The following MMP16 variants were observed in gnomAD, a reference collection of about 807,000 sequenced individuals.
MMP16 encodes matrix metalloproteinase-16.
In MMP16, 12 loss-of-function variants were observed where a neutral mutation model predicts 67.8. That is an observed-to-expected ratio of 0.18 (90% CI 0.11 to 0.29). The LOEUF (loss-of-function observed/expected upper bound fraction) is 0.29, where lower values mean the gene tolerates loss of function less well. Among genes scored for constraint, MMP16 ranks in the 10% least tolerant of loss-of-function variants. The pLI is 1.00. For synonymous variants in MMP16, 249 were observed against 255.9 expected (o/e 0.97, Z 0.26); for missense variants, 475 against 765.7 (o/e 0.62, Z 4.48).
chr8:88,087,417 G>T (rs1334913568), intron 6 of MMP16, among the ~76,000 whole-genome samples: 1 of 151,800 alleles, frequency 6.6e-6, no homozygotes, highest in African/African-American at 2.4e-5. Context: ...CTTAGTTCTC[G>T]TAATAGTGGC....
At chr8:88,308,979 C>CAA (rs71277998) in intron 1 of MMP16, among the ~76,000 whole-genome samples, 7 of 149,270 alleles carry the variant, frequency 4.7e-5, no homozygotes, top group Admixed American at 1.3e-4. Flanking sequence ...TTTACACTTG[C>CAA]AAAAAAAAAT....
At chr8:88,222,332 T>C (rs1048772608) in intron 1 of MMP16, among the ~76,000 whole-genome samples, 5 of 152,082 alleles carry the variant, frequency 3.3e-5, no homozygotes, top group South Asian at 2.1e-4. Context: ...CTTTACAGAA[T>C]TGGAAAAAAC....
At position 88,197,226 on chromosome 8, in the gene MMP16, A is replaced by G; in HGVS notation, c.213T>C (p.Ser71=). ...SVLRSAETMQ[S]ALAAMQQFYG... ...AGAACTGCTGCATGGCAGCTAGGGC[A>G]GACTGCATGGTCTCTGCAGAGCGCA... The change falls in exon 2 of 10, where the codon TCT becomes TCC. Residue 71 remains serine, a synonymous_variant. Coordinates refer to ENST00000286614, the MANE Select transcript of MMP16 (RefSeq NM_005941.5). 1 of 1,612,412 alleles carries G rather than the reference A, an allele frequency of 6.2e-7. No individual in the cohort carries two copies. The highest frequency in any genetic ancestry group is 1.1e-5 in the South Asian group (1 of 90,806).
chr8:88,063,872 C>A (rs1295733356), intron 7 of MMP16, among the ~76,000 whole-genome samples: 1 of 152,064 alleles, frequency 6.6e-6, no homozygotes, highest in East Asian at 1.9e-4. Flanking sequence ...GAGTGTTTAT[C>A]AATTAACCCA....
chr8:88,277,794 A>G (rs950003352), intron 1 of MMP16, among the ~76,000 whole-genome samples: 3 of 152,196 alleles, frequency 2.0e-5, no homozygotes, highest in African/African-American at 2.4e-5. Flanking sequence ...CTTTTCATCT[A>G]TAAGATTAGC....
chr8:88,136,377 T>C (rs1464130017), intron 4 of MMP16, among the ~76,000 whole-genome samples: 1 of 151,822 alleles, frequency 6.6e-6, no homozygotes, highest in African/African-American at 2.4e-5. Context: ...TTAAAAACTT[T>C]AATTTTCATT....
chr8:88,252,823 TC>T (rs1810247211), intron 1 of MMP16, among the ~76,000 whole-genome samples: 1 of 152,054 alleles, frequency 6.6e-6, no homozygotes, highest in Non-Finnish European at 1.5e-5. Context: ...ATTAGCCAGA[TC>T]AAAGCACTAA....
At chr8:88,319,306 T>C (rs1026800227) in intron 1 of MMP16, among the ~76,000 whole-genome samples, 1 of 152,168 alleles carries the variant, frequency 6.6e-6, no homozygotes, top group African/African-American at 2.4e-5. Flanking sequence ...TTTGTTTCTC[T>C]AAGCTATTTG....
At chr8:88,077,735 C>T (rs989581238) in intron 6 of MMP16, among the ~76,000 whole-genome samples, 2 of 152,124 alleles carry the variant, frequency 1.3e-5, no homozygotes, top group African/African-American at 4.8e-5. Flanking sequence ...TTTAAAATTA[C>T]ATCTCAGTTT....
chr8:88,223,532 G>C (rs2129852897), intron 1 of MMP16, among the ~76,000 whole-genome samples: 1 of 152,066 alleles, frequency 6.6e-6, no homozygotes, highest in East Asian at 1.9e-4. Context: ...ATGAGTTCAT[G>C]TCCTTTGCAG....
chr8:88,239,816 C>T (rs1323616813), intron 1 of MMP16, among the ~76,000 whole-genome samples: 5 of 152,220 alleles, frequency 3.3e-5, no homozygotes, highest in Admixed American at 6.5e-5. Context: ...AAAATTAACA[C>T]TGGTTAGAAG....
At chr8:88,259,382 T>C (rs527451479) in intron 1 of MMP16, among the ~76,000 whole-genome samples, 2 of 152,282 alleles carry the variant, frequency 1.3e-5, no homozygotes, top group African/African-American at 2.4e-5. Context: ...ACAATGTTCA[T>C]ACACTGGTGA....
chr8:88,199,331 TAA>T (rs1228746074), intron 1 of MMP16, among the ~76,000 whole-genome samples: 1 of 152,044 alleles, frequency 6.6e-6, no homozygotes, highest in Non-Finnish European at 1.5e-5. Context: ...TAAAATAATG[TAA>T]AAAATGAATT....
At chr8:88,273,664 G>A (rs1041872970) in intron 1 of MMP16, among the ~76,000 whole-genome samples, 5 of 152,106 alleles carry the variant, frequency 3.3e-5, no homozygotes, top group African/African-American at 1.2e-4. Flanking sequence ...TTTAACCTGT[G>A]AAATATATTT....
rs947490773 is a variant in MMP16 at position 88,273,550 on chromosome 8, T to A, written c.132+53525A>T. Among the ~76,000 whole-genome samples, 3 of 152,260 alleles carry A rather than the reference T, an allele frequency of 2.0e-5. No individual in the cohort carries two copies. In the South Asian group the frequency reaches 6.2e-4, roughly 32 times the overall value. On this transcript the variant is annotated intron_variant, in intron 1 of 9. Transcript: ENST00000286614. ...TGTATATTCTAGCTACAAATTAAAT[T>A]GAGTAAATTTTTAAAAATGGTCATT... is the stretch of plus-strand genomic sequence containing the variant.
intron 9 of MMP16, among the ~76,000 whole-genome samples, chr8:88,044,983 T>C: frequency 6.6e-6 from 1 of 152,238 alleles, no homozygotes; most frequent in East Asian, 1.9e-4. Context: ...CTCTTATTCC[T>C]TTCCCTTTTA....
intron 2 of MMP16, among the ~76,000 whole-genome samples, chr8:88,195,862 A>G (rs957188027): frequency 8.5e-5 from 13 of 152,216 alleles, no homozygotes; most frequent in African/African-American, 3.1e-4. Flanking sequence ...TTTGAAGTTT[A>G]TCTCAAAGCT....
intron 7 of MMP16, among the ~76,000 whole-genome samples, chr8:88,070,553 C>T (rs1189876758): frequency 6.6e-6 from 1 of 151,988 alleles, no homozygotes; most frequent in Non-Finnish European, 1.5e-5. Context: ...TATGGGGGTC[C>T]ATCTGCTCAT....
intron 1 of MMP16, among the ~76,000 whole-genome samples, chr8:88,207,016 A>G (rs1374305291): frequency 1.3e-5 from 2 of 152,204 alleles, no homozygotes; most frequent in Non-Finnish European, 2.9e-5. Flanking sequence ...GAAAGCTTCA[A>G]CAATTTGAAA....
Sources: gnomAD v4.1 joint callset for allele counts (sites outside exome capture counted in the v4.1 genomes callset) on GRCh38, gnomAD v4.1.1 for gene constraint, MANE v1.5 for transcripts, NCBI Gene and HGNC (gene_info 2026-07-23, HGNC 2026-07-21) for gene names.